UGT1A10: variants seen among roughly 807,000 people sequenced by gnomAD.
UGT1A10 encodes the protein UDP glucuronosyltransferase family 1 member A10.
In UGT1A10, 49 loss-of-function variants were observed where a neutral mutation model predicts 45.8. The observed-to-expected ratio is 1.07, with a 90% CI of 0.85 to 1.36. The LOEUF (loss-of-function observed/expected upper bound fraction) is 1.36, where lower values mean the gene tolerates loss of function less well. Among genes scored for constraint, UGT1A10 ranks in the 40% most tolerant of loss-of-function variants. The pLI is 0.00. For synonymous variants in UGT1A10, 284 were observed against 249.7 expected (o/e 1.14, Z -1.29); for missense variants, 745 against 668.6 (o/e 1.11, Z -1.26).
intron 1 of UGT1A10, among the ~76,000 whole-genome samples, chr2:233,734,927 C>T (rs1223344443): frequency 1.3e-5 from 2 of 152,170 alleles, no homozygotes; most frequent in Non-Finnish European, 2.9e-5. Context: ...GAGTGCTTTA[C>T]TTACAATCAT....
At chr2:233,691,387 G>C in intron 1 of UGT1A10, 1 of 985,394 alleles carries the variant, frequency 1.0e-6, no homozygotes, top group Non-Finnish European at 1.2e-6. Flanking sequence ...TGTTCCCCAT[G>C]GGGGCCAGCC....
At chr2:233,662,858 C>A (rs1390795177) in intron 1 of UGT1A10, among the ~76,000 whole-genome samples, 2 of 147,992 alleles carry the variant, frequency 1.4e-5, no homozygotes, top group African/African-American at 5.0e-5. Flanking sequence ...TGGACTCTGT[C>A]AAACACTTTT....
At chr2:233,699,780 G>A (rs2075523422) in intron 1 of UGT1A10, among the ~76,000 whole-genome samples, 1 of 152,284 alleles carries the variant, frequency 6.6e-6, no homozygotes, top group South Asian at 2.1e-4. Flanking sequence ...CTGTTCCCAA[G>A]TTTCCTCCTC....
chr2:233,679,778 G>T (rs966968949), intron 1 of UGT1A10, among the ~76,000 whole-genome samples: 7 of 152,042 alleles, frequency 4.6e-5, no homozygotes, highest in African/African-American at 1.7e-4. Flanking sequence ...AAATTCTCCA[G>T]TTTTAGATTC....
rs1005644336 is a variant in UGT1A10 at position 233,772,950 on chromosome 2, A to G, written c.*391A>G. On this transcript the variant is annotated 3_prime_UTR_variant, in exon 5 of 5. Coordinates refer to ENST00000344644, the MANE Select transcript of UGT1A10 (RefSeq NM_019075.4). Reference sequence around the variant, plus strand: ...TAATCTTATCTTTTGGCTTCTGCAGATGGTTGCAATTGATCCTTAACCAAT... The same window carrying G: ...TAATCTTATCTTTTGGCTTCTGCAGGTGGTTGCAATTGATCCTTAACCAAT... The G allele has an allele frequency of 1.5e-5, 5 of 323,142 alleles. No individual in the cohort carries two copies. Among genetic ancestry groups the G allele is most frequent in the Non-Finnish European group, 2.9e-5 (5 of 171,790 alleles). 20.0% of individuals were successfully genotyped at this position (323,142 alleles called of 1,614,324 possible). A position where few individuals can be genotyped will look rare whatever the true frequency, so the allele number is the denominator to read the frequency against.
At chr2:233,738,215 A>G (rs927290766) in intron 1 of UGT1A10, among the ~76,000 whole-genome samples, 4 of 152,078 alleles carry the variant, frequency 2.6e-5, no homozygotes, top group African/African-American at 9.7e-5. Context: ...TGCCAGGATT[A>G]TAAGTTTCCT....
chr2:233,669,643 C>G (rs181894032), intron 1 of UGT1A10, among the ~76,000 whole-genome samples: 1 of 152,108 alleles, frequency 6.6e-6, no homozygotes. Flanking sequence ...TACCAACCCC[C>G]GAGCAGTAAA....
intron 1 of UGT1A10, chr2:233,719,224 A>C: frequency 1.2e-6 from 2 of 1,614,188 alleles, no homozygotes; most frequent in Non-Finnish European, 1.7e-6. Context: ...CTGCATAATG[A>C]GGCCCTGATC....
In UGT1A10 at chr2:233,700,778, T is replaced by C. The variant is rs550912505; in HGVS notation, c.855+63401T>C. On this transcript the variant is annotated intron_variant, in intron 1 of 4. Transcript: ENST00000344644. ...GGGTACATGTGCACAACGTACAGGT[T>C]TGTTACATATGTATACATGTGCCAT... Among the ~76,000 whole-genome samples, 10 of 152,260 alleles carry C rather than the reference T, an allele frequency of 6.6e-5. No homozygotes were observed. In the East Asian group the frequency reaches 9.6e-4, roughly 15 times the overall value.
At chr2:233,742,994 G>A in intron 1 of UGT1A10, 1 of 234,262 alleles carries the variant, frequency 4.3e-6, no homozygotes, top group South Asian at 6.0e-5. Flanking sequence ...ATAGCAAATT[G>A]CATACAGATA....
chr2:233,677,873 T>C (rs2074402355), intron 1 of UGT1A10, among the ~76,000 whole-genome samples: 1 of 152,146 alleles, frequency 6.6e-6, no homozygotes, highest in African/African-American at 2.4e-5. Context: ...TGCACTGGTA[T>C]GTTCATTGCA....
At chr2:233,713,162 G>A in intron 1 of UGT1A10, 1 of 1,614,256 alleles carries the variant, frequency 6.2e-7, no homozygotes, top group Non-Finnish European at 8.5e-7. Context: ...GAGGCCACCA[G>A]GTGGTGGTCC....
At chr2:233,663,342 G>T (rs1451276012) in intron 1 of UGT1A10, among the ~76,000 whole-genome samples, 1 of 152,176 alleles carries the variant, frequency 6.6e-6, no homozygotes, top group African/African-American at 2.4e-5. Flanking sequence ...AGGAATACTT[G>T]GTGGGTTGGG....
At chr2:233,665,168 T>A (rs1004889137) in intron 1 of UGT1A10, among the ~76,000 whole-genome samples, 1 of 152,208 alleles carries the variant, frequency 6.6e-6, no homozygotes, top group Non-Finnish European at 1.5e-5. Flanking sequence ...GCCAATAAAT[T>A]ATAGACATCT....
At chr2:233,710,852 T>A (rs1299633066) in intron 1 of UGT1A10, among the ~76,000 whole-genome samples, 1 of 152,250 alleles carries the variant, frequency 6.6e-6, no homozygotes, top group East Asian at 1.9e-4. Context: ...AGGATTTGTT[T>A]CTATGTTTTT....
At chr2:233,670,904 C>T (rs925329151) in intron 1 of UGT1A10, among the ~76,000 whole-genome samples, 1 of 152,076 alleles carries the variant, frequency 6.6e-6, no homozygotes, top group South Asian at 2.1e-4. Flanking sequence ...GTGTTCTTGC[C>T]GAGGCCTTCT....
chr2:233,709,836 C>T (rs1010563430), intron 1 of UGT1A10, among the ~76,000 whole-genome samples: 5 of 152,188 alleles, frequency 3.3e-5, no homozygotes, highest in African/African-American at 9.7e-5. Context: ...GCTGTGCAGC[C>T]ATCACCACAT....
intron 1 of UGT1A10, among the ~76,000 whole-genome samples, chr2:233,699,549 C>T (rs540662918): frequency 6.6e-6 from 1 of 152,332 alleles, no homozygotes; most frequent in Non-Finnish European, 1.5e-5. Context: ...ATCATAGAGC[C>T]AGGTCATGGC....
intron 1 of UGT1A10, among the ~76,000 whole-genome samples, chr2:233,650,826 A>C (rs1264709962): frequency 6.6e-6 from 1 of 152,210 alleles, no homozygotes; most frequent in Non-Finnish European, 1.5e-5. Context: ...GGCACAAAGA[A>C]ATTTGAAATC....
Sources: gnomAD v4.1 joint callset for allele counts (sites outside exome capture counted in the v4.1 genomes callset) on GRCh38, gnomAD v4.1.1 for gene constraint, MANE v1.5 for transcripts, NCBI Gene and HGNC (gene_info 2026-07-23, HGNC 2026-07-21) for gene names.